The following CSMD1 variants were observed in gnomAD, a reference collection of about 807,000 sequenced individuals.
CSMD1 encodes the protein CUB and sushi domain-containing protein 1.
Under a neutral mutation model 417.5 loss-of-function variants are expected in CSMD1, and 213 were observed. The ratio of observed to expected loss-of-function variants is 0.51; its 90% CI spans 0.46 to 0.57. The LOEUF is 0.57. Among genes scored for constraint, CSMD1 ranks in the 20% least tolerant of loss-of-function variants. The pLI, the probability that CSMD1 is intolerant of heterozygous loss-of-function variation, is 0.00. For missense variants in CSMD1, 6,923 were observed against 4,529.7 expected (o/e 1.53, Z -15.17); for synonymous variants, 2,862 against 1,736.8 (o/e 1.65, Z -16.11).
chr8:3,234,968 A>G (rs531210194), intron 26 of CSMD1, among the ~76,000 whole-genome samples: 210 of 152,334 alleles, frequency 1.4e-3, no homozygotes, highest in African/African-American at 4.9e-3. Flanking sequence ...TACATGCACA[A>G]TCTTGTTCAT....
At chr8:3,609,167 C>T (rs150197821) in intron 8 of CSMD1, among the ~76,000 whole-genome samples, 81 of 152,298 alleles carry the variant, frequency 5.3e-4, no homozygotes, top group African/African-American at 1.6e-3. Flanking sequence ...TGAATTTCAA[C>T]GCTTCTACTT....
intron 10 of CSMD1, among the ~76,000 whole-genome samples, chr8:3,520,020 C>A (rs7822706): frequency 0.18 from 24,750 of 136,816 alleles, 2,624 homozygotes; most frequent in African/African-American, 0.27. Context: ...GTGTATATAC[C>A]TATATATATA....
intron 49 of CSMD1, among the ~76,000 whole-genome samples, chr8:3,059,174 T>A (rs1812424880): frequency 6.7e-6 from 1 of 148,756 alleles, no homozygotes; most frequent in Non-Finnish European, 1.5e-5. Context: ...CGACTATTAA[T>A]AATAATGGCT....
intron 2 of CSMD1, among the ~76,000 whole-genome samples, chr8:4,515,134 G>C (rs568296014): frequency 6.6e-6 from 1 of 152,136 alleles, no homozygotes; most frequent in Non-Finnish European, 1.5e-5. Flanking sequence ...TTTACTGGTC[G>C]GTGTGGTGTG....
At chr8:4,071,257 T>A (rs1053841311) in intron 3 of CSMD1, among the ~76,000 whole-genome samples, 1 of 152,186 alleles carries the variant, frequency 6.6e-6, no homozygotes, top group Non-Finnish European at 1.5e-5. Context: ...CAAAGAAGCC[T>A]GACGCCCTGC....
At chr8:3,539,580 G>A (rs1001340843) in intron 10 of CSMD1, among the ~76,000 whole-genome samples, 12 of 151,982 alleles carry the variant, frequency 7.9e-5, no homozygotes, top group African/African-American at 2.4e-4. Flanking sequence ...GTAACACTTC[G>A]CCAAGAATTG....
intron 38 of CSMD1, among the ~76,000 whole-genome samples, chr8:3,161,649 T>C (rs112600894): frequency 0.035 from 4,851 of 139,640 alleles, 255 homozygotes; most frequent in African/African-American, 0.12. Context: ...AAAAAAACCC[T>C]CTTTATATAG....
intron 3 of CSMD1, among the ~76,000 whole-genome samples, chr8:4,237,647 C>A (rs1008116941): frequency 2.0e-5 from 3 of 151,984 alleles, no homozygotes; most frequent in Non-Finnish European, 4.4e-5. Context: ...TTTCTAGTAG[C>A]TGAGACTGGA....
chr8:3,501,503 C>G (rs1213390805), intron 10 of CSMD1, among the ~76,000 whole-genome samples: 1 of 151,994 alleles, frequency 6.6e-6, no homozygotes, highest in African/African-American at 2.4e-5. Context: ...GTACCAAGAC[C>G]CTACATCTTG....
At chr8:3,492,172 A>G (rs189857136) in intron 11 of CSMD1, among the ~76,000 whole-genome samples, 16 of 152,216 alleles carry the variant, frequency 1.1e-4, no homozygotes, top group Non-Finnish European at 2.1e-4. Flanking sequence ...CGTGGGTTTC[A>G]GGAGAAGCCA....
rs182280939 is a variant in CSMD1 at position 3,399,803 on chromosome 8, A to T, written c.2267-274T>A. 1.8e-3 allele frequency among the ~76,000 whole-genome samples: 269 copies of T among 152,288 alleles called. 1 individual carries two copies. The highest frequency in any genetic ancestry group is 6.1e-3 in the African/African-American group (255 of 41,560). On this transcript the variant is annotated intron_variant, in intron 15 of 69. Transcript: ENST00000635120. ...TTCTCTGTGCTAACTGAATTATCTCATTTAACTGCTAACCATTTCATTACG... is the reference window on the plus strand; with the variant it reads ...TTCTCTGTGCTAACTGAATTATCTCTTTTAACTGCTAACCATTTCATTACG...
chr8:3,441,694 C>A (rs1458042090), intron 12 of CSMD1, among the ~76,000 whole-genome samples: 2 of 152,056 alleles, frequency 1.3e-5, no homozygotes, highest in Non-Finnish European at 2.9e-5. Context: ...TGTAAATAAA[C>A]CTACTGTGCT....
chr8:4,765,156 G>A (rs890727754), intron 1 of CSMD1, among the ~76,000 whole-genome samples: 3 of 152,078 alleles, frequency 2.0e-5, no homozygotes, highest in African/African-American at 7.2e-5. Context: ...AATATAGCTC[G>A]TGACTTTTTT....
At chr8:3,890,514 GA>G (rs1358984062) in intron 5 of CSMD1, among the ~76,000 whole-genome samples, 1 of 152,022 alleles carries the variant, frequency 6.6e-6, no homozygotes, top group African/African-American at 2.4e-5. Flanking sequence ...ACACTTGCAG[GA>G]CTCGGTGGGG....
At chr8:4,088,127 G>T (rs570821095) in intron 3 of CSMD1, among the ~76,000 whole-genome samples, 1 of 152,238 alleles carries the variant, frequency 6.6e-6, no homozygotes, top group East Asian at 1.9e-4. Flanking sequence ...CAGTGGGGCT[G>T]TGAGGAGGAC....
Position 4,355,412 on chromosome 8 carries a change from G to C in CSMD1, c.415+64541C>G, listed in dbSNP as rs147044459. ...GTTAAGAGTGTTCTTAACAGAAGTA[G>C]CGAATTCAGGTATCTTCTTTATGTG... On this transcript the variant is annotated intron_variant, in intron 3 of 69. Coordinates refer to ENST00000635120, the MANE Select transcript of CSMD1 (RefSeq NM_033225.6). Among the ~76,000 whole-genome samples, 18 of 151,978 alleles carry C rather than the reference G, an allele frequency of 1.2e-4. No individual in the cohort carries two copies. The East Asian group carries it at 2.7e-3, about 23-fold the overall frequency.
chr8:4,315,505 C>G (rs746222832), intron 3 of CSMD1, among the ~76,000 whole-genome samples: 8 of 152,164 alleles, frequency 5.3e-5, no homozygotes, highest in Non-Finnish European at 1.0e-4. Context: ...AAAAAGTGAA[C>G]CAATAAAGTA....
intron 1 of CSMD1, among the ~76,000 whole-genome samples, chr8:4,919,193 G>A (rs4607642): frequency 0.98 from 148,918 of 152,308 alleles, 72,859 homozygotes; most frequent in East Asian, 1. Flanking sequence ...AAACTGAAAC[G>A]TACTTGAAAT....
At chr8:4,473,777 T>C (rs779495331) in intron 2 of CSMD1, among the ~76,000 whole-genome samples, 3 of 152,204 alleles carry the variant, frequency 2.0e-5, no homozygotes, top group Non-Finnish European at 4.4e-5. Context: ...TTGGGTTTTC[T>C]TTTAACCTAT....
Sources: gnomAD v4.1 joint callset for allele counts (sites outside exome capture counted in the v4.1 genomes callset) on GRCh38, gnomAD v4.1.1 for gene constraint, MANE v1.5 for transcripts, NCBI Gene and HGNC (gene_info 2026-07-23, HGNC 2026-07-21) for gene names.